CCDC171: variants seen among roughly 807,000 people sequenced by gnomAD.
The protein encoded by CCDC171 is coiled-coil domain-containing protein 171.
Under a neutral mutation model 168.2 loss-of-function variants are expected in CCDC171, and 177 were observed. The ratio of observed to expected loss-of-function variants is 1.05; its 90% CI spans 0.93 to 1.19. CCDC171 has a LOEUF of 1.19. Ranked by LOEUF, CCDC171 falls within the 50% of genes most tolerant of loss-of-function variation. The pLI, the probability that CCDC171 is intolerant of heterozygous loss-of-function variation, is 0.00. For synonymous variants in CCDC171, 687 were observed against 540.8 expected, an observed-to-expected ratio of 1.27 and a Z score of -3.75; for missense variants, 1,991 against 1,539.0, an observed-to-expected ratio of 1.29 and a Z score of -4.91.
chr9:15,956,648 G>T (rs1381057855), intron 25 of CCDC171, among the ~76,000 whole-genome samples: 1 of 152,046 alleles, frequency 6.6e-6, no homozygotes, highest in Middle Eastern at 3.2e-3. Flanking sequence ...AAAATACTTA[G>T]ATCATTTTTC....
chr9:16,066,731 G>A, the CCDC171 span, among the ~76,000 whole-genome samples: 2 of 149,550 alleles, frequency 1.3e-5, no homozygotes, highest in African/African-American at 2.5e-5. Context: ...TTGTTCTTGC[G>A]ATAGTTTACT....
At chr9:16,009,047 A>G (rs1564116788) in intron 3 of CCDC171, among the ~76,000 whole-genome samples, 3 of 151,596 alleles carry the variant, frequency 2.0e-5, no homozygotes, top group Non-Finnish European at 4.4e-5. Flanking sequence ...TTTTATAATT[A>G]ATATAAAAAT....
At chr9:15,797,948 A>C (rs1414042867) in intron 21 of CCDC171, among the ~76,000 whole-genome samples, 1 of 152,042 alleles carries the variant, frequency 6.6e-6, no homozygotes, top group East Asian at 1.9e-4. Flanking sequence ...CTGTGTATGT[A>C]TGTGTGTGTT....
At chr9:15,814,077 T>G (rs2059464717) in intron 21 of CCDC171, among the ~76,000 whole-genome samples, 1 of 152,202 alleles carries the variant, frequency 6.6e-6, no homozygotes, top group Non-Finnish European at 1.5e-5. Flanking sequence ...TGGGATTCCT[T>G]TGGAAAGGGA....
chr9:15,695,309 C>T lies in CCDC171; in HGVS notation c.1290C>T (p.Ser430=). The T allele has an allele frequency of 1.9e-6, 3 of 1,613,958 alleles. No individual in the cohort carries two copies. Among genetic ancestry groups the T allele is most frequent in the Non-Finnish European group, 2.5e-6 (3 of 1,179,854 alleles). The change falls in exon 11 of 26, where the codon AGC becomes AGT. Residue 430 remains serine (S), a synonymous_variant. Coordinates refer to ENST00000380701, the MANE Select transcript of CCDC171 (RefSeq NM_173550.4). ...AAGAATTGGAATCGATCTTGGACAG[C>T]TTTACTGTGTCGGGCCAGTGGACAT... ...NVKELESILD[S]FTVSGQWTSG...
intron 18 of CCDC171, among the ~76,000 whole-genome samples, chr9:15,758,064 G>T (rs976060169): frequency 1.3e-5 from 2 of 152,180 alleles, no homozygotes; most frequent in Non-Finnish European, 2.9e-5. Flanking sequence ...CCCTACTGGG[G>T]CATCTGCCTA....
Position 15,821,836 on chromosome 9 carries a change from T to C in CCDC171, c.3268-24866T>C, listed in dbSNP as rs1246112439. Reference sequence around the variant, plus strand: ...TTCACAGAATTGGAAAAAACTACTTTAAAGTTCATATGGAACCAAAAAAGA... The same window carrying C: ...TTCACAGAATTGGAAAAAACTACTTCAAAGTTCATATGGAACCAAAAAAGA... On this transcript the variant is annotated intron_variant, in intron 21 of 25. Transcript: ENST00000380701. Among the ~76,000 whole-genome samples the C allele has an allele frequency of 6.9e-5, 8 of 116,546 alleles. 3 individuals are homozygous for C. Among genetic ancestry groups the C allele is most frequent in the Non-Finnish European group, 1.5e-4 (8 of 52,056 alleles). The allele number at this position is 116,546 out of a possible 152,430, so 76.5% of individuals were successfully genotyped here. A position where few individuals can be genotyped will look rare whatever the true frequency, so the allele number is the denominator to read the frequency against.
chr9:15,851,616 T>C (rs2061132335), intron 23 of CCDC171, among the ~76,000 whole-genome samples: 1 of 151,852 alleles, frequency 6.6e-6, no homozygotes, highest in Non-Finnish European at 1.5e-5. Context: ...AACTCACCAG[T>C]TTAACCATTT....
intron 6 of CCDC171, among the ~76,000 whole-genome samples, chr9:15,596,304 C>G (rs1438555780): frequency 2.0e-5 from 3 of 151,974 alleles, no homozygotes; most frequent in Non-Finnish European, 4.4e-5. Context: ...TTTAATCCAT[C>G]TTGAATTAAT....
intron 18 of CCDC171, among the ~76,000 whole-genome samples, chr9:15,765,639 T>G (rs1278703398): frequency 6.6e-6 from 1 of 152,108 alleles, no homozygotes; most frequent in African/African-American, 2.4e-5. Flanking sequence ...TGAGAAGATA[T>G]TGGTTATTTG....
chr9:15,681,292 G>T (rs1022748632), intron 10 of CCDC171, among the ~76,000 whole-genome samples: 2 of 152,086 alleles, frequency 1.3e-5, no homozygotes, highest in Non-Finnish European at 2.9e-5. Flanking sequence ...GTTCCTTGCC[G>T]AATGGGATGT....
chr9:16,098,362 G>T, the CCDC171 span, among the ~76,000 whole-genome samples: 1 of 152,114 alleles, frequency 6.6e-6, no homozygotes, highest in Admixed American at 6.5e-5. Flanking sequence ...TGTCGTCGTC[G>T]TCATCATCAT....
At chr9:15,939,648 A>G (rs1421803208) in intron 25 of CCDC171, among the ~76,000 whole-genome samples, 1 of 151,890 alleles carries the variant, frequency 6.6e-6, no homozygotes, top group Non-Finnish European at 1.5e-5. Flanking sequence ...GGAGAAGCCT[A>G]GAGAACAGAA....
chr9:16,045,741 T>A (rs956907295), intron 1 of CCDC171, among the ~76,000 whole-genome samples: 1 of 152,206 alleles, frequency 6.6e-6, no homozygotes, highest in Non-Finnish European at 1.5e-5. Flanking sequence ...GCTGCTGGGA[T>A]GAGGCAGGCC....
intron 20 of CCDC171, among the ~76,000 whole-genome samples, chr9:15,782,446 G>A (rs1356957282): frequency 6.6e-6 from 1 of 152,122 alleles, no homozygotes; most frequent in African/African-American, 2.4e-5. Context: ...TGGGACGGAT[G>A]GATGGACAAG....
chr9:15,903,861 G>A (rs139847688), intron 24 of CCDC171, among the ~76,000 whole-genome samples: 13 of 152,324 alleles, frequency 8.5e-5, no homozygotes, highest in East Asian at 1.9e-4. Flanking sequence ...ACCATGGCAC[G>A]AGAGGTACGT....
chr9:15,654,262 G>C (rs1048975442), intron 7 of CCDC171, among the ~76,000 whole-genome samples: 1 of 151,178 alleles, frequency 6.6e-6, no homozygotes, highest in Non-Finnish European at 1.5e-5. Flanking sequence ...ATTTTCCATA[G>C]GGTTGTAGAA....
In CCDC171 at chr9:15,745,512, T is replaced by C. The variant is rs1187581481; in HGVS notation, c.2555-3T>C. ...TTTACAATGGATTTTTTCAATTTTA[T>C]AGAACATCAAAAGGAGCAGTTGCGT... On this transcript the variant is annotated splice_polypyrimidine_tract_variant and splice_region_variant and intron_variant, in intron 17 of 25. Transcript: ENST00000380701. The C allele has an allele frequency of 2.6e-6, 4 of 1,530,920 alleles. No individual in the cohort carries two copies. In the African/African-American group the frequency reaches 5.7e-5, roughly 22 times the overall value. 94.8% of individuals were successfully genotyped at this position (1,530,920 alleles called of 1,614,324 possible).
At chr9:15,562,435 A>G (rs1392201699) in intron 1 of CCDC171, among the ~76,000 whole-genome samples, 2 of 152,174 alleles carry the variant, frequency 1.3e-5, no homozygotes, top group African/African-American at 4.8e-5. Flanking sequence ...CTAGAAGTAG[A>G]TGAAACTTGC....
Sources: allele counts gnomAD v4.1 joint callset (sites outside exome capture counted in the v4.1 genomes callset), GRCh38; gene constraint gnomAD v4.1.1; transcripts MANE v1.5; gene names NCBI Gene and HGNC (gene_info 2026-07-23, HGNC 2026-07-21).